The following VAV3 variants were observed in gnomAD, a reference collection of about 807,000 sequenced individuals.
VAV3 encodes guanine nucleotide exchange factor VAV3.
Under a neutral mutation model 131.2 loss-of-function variants are expected in VAV3, and 94 were observed. That is an observed-to-expected ratio of 0.72 (90% CI 0.61 to 0.85). The LOEUF (loss-of-function observed/expected upper bound fraction) is 0.85, where lower values mean the gene tolerates loss of function less well. VAV3 is among the 40% of genes least tolerant of loss of function. The pLI is 0.00. For missense variants in VAV3, 939 were observed against 1,002.7 expected, an observed-to-expected ratio of 0.94 and a Z score of 0.86; for synonymous variants, 349 against 342.0, an observed-to-expected ratio of 1.02 and a Z score of -0.22.
chr1:107,703,222 T>C (rs1196931372), intron 17 of VAV3, among the ~76,000 whole-genome samples: 2 of 152,146 alleles, frequency 1.3e-5, no homozygotes, highest in African/African-American at 4.8e-5. Flanking sequence ...ACAACAAAAA[T>C]TCAAGTGATA....
At chr1:107,918,907 A>G (rs1016214982) in intron 1 of VAV3, among the ~76,000 whole-genome samples, 3 of 151,602 alleles carry the variant, frequency 2.0e-5, no homozygotes, top group Admixed American at 2.0e-4. Flanking sequence ...GGGTTTCACC[A>G]TGTTGCCCAG....
At position 107,765,162 on chromosome 1, in the gene VAV3, C is replaced by G; in HGVS notation, c.835G>C (p.Gly279Arg). The G allele has an allele frequency of 6.2e-7, 1 of 1,612,212 alleles. No homozygotes were observed. Among genetic ancestry groups the G allele is most frequent in the Non-Finnish European group, 8.5e-7 (1 of 1,178,878 alleles). Residue 279 changes from glycine to arginine, a missense_variant, in exon 9 of 27, where the codon GGG becomes CGG. Transcript: ENST00000370056. ...GACTCCACTCCACTGCAGTACTGCCCGTAAATAACCAATCTGAAAGGGAAA... is the reference window on the plus strand; with the variant it reads ...GACTCCACTCCACTGCAGTACTGCCGGTAAATAACCAATCTGAAAGGGAAA... Reference protein sequence around the residue: ...INYKERLVIYGQYCSGVESAI... With the variant: ...INYKERLVIYRQYCSGVESAI...
At chr1:107,746,738 G>T (rs1570885261) in intron 15 of VAV3, among the ~76,000 whole-genome samples, 2 of 152,110 alleles carry the variant, frequency 1.3e-5, no homozygotes, top group African/African-American at 4.8e-5. Flanking sequence ...ATTTCTACAA[G>T]GAATCCATAA....
intron 1 of VAV3, among the ~76,000 whole-genome samples, chr1:107,922,718 A>C (rs779937647): frequency 2.6e-5 from 4 of 151,600 alleles, no homozygotes; most frequent in Non-Finnish European, 4.4e-5. Flanking sequence ...TTTGGGAGGC[A>C]GAGGCGGGCG....
chr1:107,818,860 C>T (rs1028016408), intron 2 of VAV3, among the ~76,000 whole-genome samples: 3 of 152,140 alleles, frequency 2.0e-5, no homozygotes, highest in African/African-American at 7.2e-5. Flanking sequence ...CATCATTTAG[C>T]AAATTTAAAA....
chr1:107,649,700 A>G (rs1284649242), intron 19 of VAV3, among the ~76,000 whole-genome samples: 1 of 152,132 alleles, frequency 6.6e-6, no homozygotes, highest in Non-Finnish European at 1.5e-5. Context: ...TAACAGCGTA[A>G]AAGTAAAAAT....
intron 19 of VAV3, among the ~76,000 whole-genome samples, chr1:107,652,849 T>C (rs1226590952): frequency 6.6e-6 from 1 of 152,134 alleles, no homozygotes; most frequent in African/African-American, 2.4e-5. Context: ...AATAAAATTG[T>C]TTTTGACATG....
At chr1:107,910,288 G>A (rs1270416372) in intron 1 of VAV3, among the ~76,000 whole-genome samples, 1 of 152,136 alleles carries the variant, frequency 6.6e-6, no homozygotes, top group Admixed American at 6.5e-5. Flanking sequence ...TCTGCCATGG[G>A]TCATCAGTTA....
intron 2 of VAV3, among the ~76,000 whole-genome samples, chr1:107,867,652 G>A (rs1571067119): frequency 6.6e-6 from 1 of 152,184 alleles, no homozygotes; most frequent in African/African-American, 2.4e-5. Flanking sequence ...TGTAATTACA[G>A]GCAAGCCTCC....
intron 17 of VAV3, among the ~76,000 whole-genome samples, chr1:107,700,958 A>G (rs990543064): frequency 4.6e-5 from 7 of 152,192 alleles, no homozygotes; most frequent in African/African-American, 1.7e-4. Context: ...CCTCAGCAGC[A>G]TCTATTGTTT....
chr1:107,945,392 AAC>A (rs1282515730), intron 1 of VAV3, among the ~76,000 whole-genome samples: 1 of 152,182 alleles, frequency 6.6e-6, no homozygotes, highest in Non-Finnish European at 1.5e-5. Context: ...TGCTACTAAT[AAC>A]AGTTATTATA....
chr1:107,901,821 T>A (rs1475018232), intron 1 of VAV3, among the ~76,000 whole-genome samples: 1 of 152,060 alleles, frequency 6.6e-6, no homozygotes, highest in Non-Finnish European at 1.5e-5. Context: ...GGCGGGTGGA[T>A]CACCTGAGGT....
chr1:107,640,337 A>T (rs754863512), intron 20 of VAV3, among the ~76,000 whole-genome samples: 8 of 152,162 alleles, frequency 5.3e-5, no homozygotes, highest in Non-Finnish European at 1.0e-4. Flanking sequence ...TCTCAAGATA[A>T]TCATGTTGTG....
At chr1:107,701,722 A>T (rs1399890461) in intron 17 of VAV3, among the ~76,000 whole-genome samples, 1 of 152,166 alleles carries the variant, frequency 6.6e-6, no homozygotes, top group East Asian at 1.9e-4. Flanking sequence ...TCTCAAGTTC[A>T]AAGTTCCACA....
chr1:107,918,318 G>A (rs1672719760), intron 1 of VAV3, among the ~76,000 whole-genome samples: 1 of 152,188 alleles, frequency 6.6e-6, no homozygotes, highest in Non-Finnish European at 1.5e-5. Context: ...CAGAGTGCAG[G>A]TGGCAATTAT....
chr1:107,647,942 T>A (rs185136440), intron 19 of VAV3, among the ~76,000 whole-genome samples: 2 of 152,044 alleles, frequency 1.3e-5, no homozygotes, highest in Admixed American at 6.6e-5. Flanking sequence ...TCACAGCTTA[T>A]AGGGCTCTTT....
chr1:107,747,725 G>T (rs1014614151), intron 15 of VAV3, among the ~76,000 whole-genome samples: 3 of 152,136 alleles, frequency 2.0e-5, no homozygotes, highest in African/African-American at 4.8e-5. Context: ...GCTGTGAGAG[G>T]TTAAATAACT....
chr1:107,767,330 T>G (rs1033023146), intron 7 of VAV3, among the ~76,000 whole-genome samples: 21 of 152,178 alleles, frequency 1.4e-4, no homozygotes, highest in African/African-American at 5.1e-4. Context: ...TAGGTGCCAA[T>G]TCTCCCATTA....
At chr1:107,573,480 T>C in intron 26 of VAV3, 108 bp from the exon 27 acceptor site, 3 of 1,321,436 alleles carry the variant, frequency 2.3e-6, no homozygotes, top group Non-Finnish European at 2.1e-6. Context: ...TAAACTGGGG[T>C]TTTATGTCCA....
Sources: allele counts gnomAD v4.1 joint callset (sites outside exome capture counted in the v4.1 genomes callset), GRCh38; gene constraint gnomAD v4.1.1; transcripts MANE v1.5; gene names NCBI Gene and HGNC (gene_info 2026-07-23, HGNC 2026-07-21).